Variants in TMEM260 observed in about 807,000 individuals in gnomAD.
TMEM260 encodes transmembrane protein 260.
A neutral mutation model predicts 88.9 loss-of-function variants in TMEM260; 82 were observed. The ratio of observed to expected loss-of-function variants is 0.92; its 90% CI spans 0.77 to 1.11. TMEM260 has a LOEUF of 1.11. Among genes scored for constraint, TMEM260 ranks in the 50% least tolerant of loss-of-function variants. The pLI, the probability that TMEM260 is intolerant of heterozygous loss-of-function variation, is 0.00. For missense variants in TMEM260, 902 were observed against 853.4 expected (o/e 1.06, Z -0.71); for synonymous variants, 314 against 309.3 (o/e 1.02, Z -0.16).
intron 7 of TMEM260, among the ~76,000 whole-genome samples, chr14:56,615,202 A>C (rs1887524782): frequency 6.6e-6 from 1 of 152,182 alleles, no homozygotes; most frequent in Admixed American, 6.5e-5. Flanking sequence ...TTATGGTATC[A>C]CATTTTCTCC....
chr14:56,657,991 C>T, the TMEM260 span, among the ~76,000 whole-genome samples: 1 of 152,194 alleles, frequency 6.6e-6, no homozygotes, highest in Non-Finnish European at 1.5e-5. Context: ...TCCCACCTCT[C>T]CCACTGCCAC....
chr14:56,603,342 T>C (rs1886692386), intron 3 of TMEM260, among the ~76,000 whole-genome samples: 1 of 152,196 alleles, frequency 6.6e-6, no homozygotes, highest in Non-Finnish European at 1.5e-5. Context: ...TGCCATATGC[T>C]GAGAGATGAA....
At position 56,579,889 on chromosome 14, in the gene TMEM260, CCTT is replaced by C. The variant is rs1884989097; in HGVS notation, c.-23_-21del. The C allele has an allele frequency of 2.4e-6, 3 of 1,232,190 alleles. No homozygotes were observed. The highest frequency in any genetic ancestry group is 3.0e-6 in the Non-Finnish European group (3 of 987,718). 76.3% of individuals were successfully genotyped at this position (1,232,190 alleles called of 1,614,324 possible). A position where few individuals can be genotyped will look rare whatever the true frequency, so the allele number is the denominator to read the frequency against. On this transcript the variant is annotated 5_prime_UTR_variant, in exon 1 of 16. Transcript: ENST00000261556. ...CACCGGGTTCTTGGGCTGGCCGTGT[CCTT>C]CTCCCTCGGTCGCCACTGGCCCATG...
At chr14:56,590,261 A>T (rs1885768408) in intron 3 of TMEM260, among the ~76,000 whole-genome samples, 1 of 152,242 alleles carries the variant, frequency 6.6e-6, no homozygotes, top group African/African-American at 2.4e-5. Flanking sequence ...TTGAAGGGAA[A>T]AAAAGCAGGG....
chr14:56,633,106 A>G lies in TMEM260; in HGVS notation c.1659A>G (p.Val553=), dbSNP rs759365274. 2 of 1,613,872 alleles carry G rather than the reference A, an allele frequency of 1.2e-6. No individual in the cohort carries two copies. Among genetic ancestry groups the G allele is most frequent in the South Asian group, 1.1e-5 (1 of 91,082 alleles). ...SCDKLVPLEI[V]FNPEEWIKLT... is the part of the protein sequence containing the mutation. ...ACAAATTAGTTCCTTTGGAGATTGT[A>G]TTCAACCCTGAGGAATGGATTAAAC... Residue 553 remains valine, a synonymous_variant, in exon 13 of 16, where the codon GTA becomes GTG. Coordinates refer to ENST00000261556, the MANE Select transcript of TMEM260 (RefSeq NM_017799.4).
At chr14:56,579,588 G>A (rs905593107), upstream of TMEM260, 1 of 265,636 alleles carries the variant, frequency 3.8e-6, no homozygotes, top group Admixed American at 5.4e-5. Flanking sequence ...GGGGGGAATA[G>A]CCATGGAGAA....
chr14:56,616,300 C>A, intron 8 of TMEM260: 1 of 265,934 alleles, frequency 3.8e-6, no homozygotes, highest in Non-Finnish European at 7.1e-6. Context: ...CTGCTATAAC[C>A]GATTATTATT....
downstream of TMEM260, among the ~76,000 whole-genome samples, chr14:56,654,644 A>G (rs1320003341): frequency 6.6e-6 from 1 of 151,848 alleles, no homozygotes; most frequent in East Asian, 1.9e-4. Flanking sequence ...GTGAAACCCC[A>G]TCTCTACTAA....
At chr14:56,646,600 T>C (rs1213320466) in intron 15 of TMEM260, among the ~76,000 whole-genome samples, 1 of 152,230 alleles carries the variant, frequency 6.6e-6, no homozygotes, top group Non-Finnish European at 1.5e-5. Context: ...TCTAAATTCC[T>C]ATGGGCAAAG....
At chr14:56,584,412 A>G (rs1213687332) in intron 1 of TMEM260, among the ~76,000 whole-genome samples, 1 of 152,184 alleles carries the variant, frequency 6.6e-6, no homozygotes, top group Non-Finnish European at 1.5e-5. Flanking sequence ...GAGGAACTAT[A>G]AAGGACTATG....
chr14:56,653,013 G>A (rs931598267), downstream of TMEM260, among the ~76,000 whole-genome samples: 1 of 152,156 alleles, frequency 6.6e-6, no homozygotes, highest in Non-Finnish European at 1.5e-5. Context: ...ACCACCATGG[G>A]CCGGGCGCGG....
chr14:56,660,060 T>A, the TMEM260 span, among the ~76,000 whole-genome samples: 22 of 152,356 alleles, frequency 1.4e-4, no homozygotes, highest in South Asian at 4.6e-3. Flanking sequence ...ATTTCACGCC[T>A]TGCATTCCTA....
intron 1 of TMEM260, among the ~76,000 whole-genome samples, 187 bp downstream of exon 1, chr14:56,580,261 T>G (rs185977749): frequency 1.1e-3 from 160 of 152,360 alleles, no homozygotes; most frequent in Middle Eastern, 3.4e-3. Context: ...TCGTTGTGGT[T>G]TCTTTAGTTC....
Position 56,605,632 on chromosome 14 carries a change from C to G in TMEM260, c.585C>G (p.Leu195=), listed in dbSNP as rs199850880. 4.4e-4 allele frequency: 694 copies of G among 1,594,838 alleles called. No homozygotes were observed. Among genetic ancestry groups the G allele is most frequent in the Non-Finnish European group, 5.2e-4 (607 of 1,172,868 alleles). The stretch of plus-strand genomic sequence containing the variant: ...TATGTAACCAGCACACAATAATACT[C>G]TATGTTTTGTGCATAATACCTTGGA... The part of the protein sequence containing the change: ...LSLCNQHTII[L]YVLCIIPWIL... Residue 195 remains leucine, a synonymous_variant, in exon 5 of 16, where the codon CTC becomes CTG. Transcript: ENST00000261556.
intron 3 of TMEM260, 76 bp from the exon 4 acceptor site, chr14:56,603,739 G>C: frequency 6.5e-7 from 1 of 1,533,676 alleles, no homozygotes; most frequent in Non-Finnish European, 9.0e-7. Context: ...ATTTCTGCTG[G>C]TACAGTTTAC....
At chr14:56,604,173 A>G (rs1430227982) in intron 4 of TMEM260, among the ~76,000 whole-genome samples, 181 bp downstream of exon 4, 1 of 152,138 alleles carries the variant, frequency 6.6e-6, no homozygotes, top group African/African-American at 2.4e-5. Context: ...GATAGCCCTT[A>G]TAAAACATGG....
chr14:56,623,487 A>G (rs1888055892), intron 11 of TMEM260, among the ~76,000 whole-genome samples: 1 of 152,114 alleles, frequency 6.6e-6, no homozygotes, highest in African/African-American at 2.4e-5. Flanking sequence ...TGAGTCATAT[A>G]CTCACACCTA....
At chr14:56,594,861 A>G (rs149528796) in intron 3 of TMEM260, among the ~76,000 whole-genome samples, 19 of 152,358 alleles carry the variant, frequency 1.2e-4, no homozygotes, top group African/African-American at 4.3e-4. Context: ...CTCTACATAT[A>G]TAACTCTGCC....
chr14:56,615,809 A>G, intron 7 of TMEM260, 135 bp from the exon 8 acceptor site: 1 of 600,982 alleles, frequency 1.7e-6, no homozygotes, highest in Non-Finnish European at 2.9e-6. Context: ...CAACTTTAAA[A>G]GACAAAATTT....
Sources: allele counts gnomAD v4.1 joint callset (sites outside exome capture counted in the v4.1 genomes callset), GRCh38; gene constraint gnomAD v4.1.1; transcripts MANE v1.5; gene names NCBI Gene and HGNC (gene_info 2026-07-23, HGNC 2026-07-21).